ARAP2: variants seen among roughly 807,000 people sequenced by gnomAD.
ARAP2 encodes ArfGAP with RhoGAP domain, ankyrin repeat and PH domain 2.
A neutral mutation model predicts 194.5 loss-of-function variants in ARAP2; 148 were observed. The ratio of observed to expected loss-of-function variants is 0.76; its 90% CI spans 0.67 to 0.87. The LOEUF (loss-of-function observed/expected upper bound fraction) is 0.87. ARAP2 is among the 40% of genes least tolerant of loss of function. The probability of loss-of-function intolerance (pLI) is 0.00; values close to 1 mark genes in which losing one functional copy is unlikely to be tolerated. For missense variants in ARAP2, 2,128 were observed against 1,989.7 expected, an observed-to-expected ratio of 1.07 and a Z score of -1.32; for synonymous variants, 695 against 683.5, an observed-to-expected ratio of 1.02 and a Z score of -0.26.
intron 1 of ARAP2, among the ~76,000 whole-genome samples, chr4:36,239,095 G>C (rs1753008193): frequency 6.6e-6 from 1 of 152,058 alleles, no homozygotes; most frequent in Non-Finnish European, 1.5e-5. Context: ...GGCCAACATG[G>C]TGAAATCCCG....
rs1280594239 is a variant in ARAP2, at chr4:36,156,379, A to AAGAG, written c.2752+2347_2752+2350dup. ...AGAGGGAGGGAGGGAGGGAGGGGGA[A>AAGAG]AGAGAGAGAGAGAAAGAAAGAAAGA... is the stretch of plus-strand genomic sequence containing the variant. On this transcript the variant is annotated intron_variant, in intron 15 of 32. Coordinates refer to ENST00000303965, the MANE Select transcript of ARAP2 (RefSeq NM_015230.4). Among the ~76,000 whole-genome samples, 25 of 7,834 alleles carry AAGAG rather than the reference A, an allele frequency of 3.2e-3. 2 individuals are homozygous for AAGAG. Among genetic ancestry groups the AAGAG allele is most frequent in the Admixed American group, 0.018 (12 of 676 alleles). 5.1% of individuals were successfully genotyped at this position (7,834 alleles called of 152,430 possible).
chr4:36,043,343 T>A (rs1721192515), intron 5 of ARAP2, among the ~76,000 whole-genome samples: 1 of 152,188 alleles, frequency 6.6e-6, no homozygotes, highest in Non-Finnish European at 1.5e-5. Context: ...GAGAACTGCA[T>A]TTTTCTTCCC....
chr4:36,239,865 T>C (rs890122789), intron 1 of ARAP2, among the ~76,000 whole-genome samples: 2 of 152,220 alleles, frequency 1.3e-5, no homozygotes, highest in Non-Finnish European at 2.9e-5. Flanking sequence ...TGTACATACC[T>C]GGACTTTTTT....
chr4:36,228,209 C>A (rs1420311585), intron 2 of ARAP2, among the ~76,000 whole-genome samples: 1 of 152,132 alleles, frequency 6.6e-6, no homozygotes, highest in African/African-American at 2.4e-5. Context: ...AAAACATGTT[C>A]TCTGTCAAAG....
rs1290063614 is a variant in ARAP2 at position 36,066,885 on chromosome 4, T to G, written c.*1022A>C. On this transcript the variant is annotated 3_prime_UTR_variant, in exon 33 of 33. Coordinates refer to ENST00000303965, the MANE Select transcript of ARAP2 (RefSeq NM_015230.4). ...AGCCCCTGGCTCCATAATGGCCATATATTGTATTCTTCCAGTTATTTCTGA... is the reference window on the plus strand; with the variant it reads ...AGCCCCTGGCTCCATAATGGCCATAGATTGTATTCTTCCAGTTATTTCTGA... 1 of 152,190 alleles carries G rather than the reference T, an allele frequency of 6.6e-6. No homozygotes were observed. Among genetic ancestry groups the G allele is most frequent in the East Asian group, 1.9e-4 (1 of 5,204 alleles). 9.4% of individuals were successfully genotyped at this position (152,190 alleles called of 1,614,324 possible).
chr4:36,025,933 C>A (rs1354493841), intron 5 of ARAP2, among the ~76,000 whole-genome samples: 1 of 152,026 alleles, frequency 6.6e-6, no homozygotes, highest in South Asian at 2.1e-4. Flanking sequence ...AAAATACAGT[C>A]TTATTGTATG....
intron 3 of ARAP2, among the ~76,000 whole-genome samples, chr4:36,049,939 A>T (rs1722398121): frequency 6.6e-6 from 1 of 152,172 alleles, no homozygotes. Flanking sequence ...TGGAGAGAAG[A>T]CATTGTATTT....
rs1560721237 is a variant in ARAP2 at position 36,228,787 on chromosome 4, T to C, written c.700A>G (p.Asn234Asp). 6.2e-7 allele frequency: 1 copy of C among 1,614,136 alleles called. No individual in the cohort carries two copies. The highest frequency in any genetic ancestry group is 8.5e-7 in the Non-Finnish European group (1 of 1,180,002). The change falls in exon 2 of 33, where the codon AAT (asparagine) becomes GAT (aspartate). Residue 234 changes from asparagine (N) to aspartate (D), a missense_variant. Coordinates refer to ENST00000303965, the MANE Select transcript of ARAP2 (RefSeq NM_015230.4). Reference sequence around the variant, plus strand: ...GGTGGTGATCCTTCTAATAAACCATTTGTTCCATTTCCAGAATTTGTTCCT... The same window carrying C: ...GGTGGTGATCCTTCTAATAAACCATCTGTTCCATTTCCAGAATTTGTTCCT... ...TSGTNSGNGT[N>D]GLLEGSPPSP...
At chr4:36,188,886 G>C (rs1741204305) in intron 7 of ARAP2, among the ~76,000 whole-genome samples, 1 of 152,132 alleles carries the variant, frequency 6.6e-6, no homozygotes. Flanking sequence ...CTACCAGAAG[G>C]ATATCCTCTT....
At chr4:36,101,621 A>G (rs2109433655) in intron 27 of ARAP2, among the ~76,000 whole-genome samples, 1 of 152,044 alleles carries the variant, frequency 6.6e-6, no homozygotes, top group East Asian at 1.9e-4. Flanking sequence ...ATGTTTTCTG[A>G]TCACTGAAAT....
intron 8 of ARAP2, among the ~76,000 whole-genome samples, chr4:36,015,044 T>C (rs1162618141): frequency 6.6e-6 from 1 of 152,190 alleles, no homozygotes; most frequent in South Asian, 2.1e-4. Context: ...CACAGAGATG[T>C]TAACATAAAG....
chr4:36,051,894 C>T (rs988705380), intron 3 of ARAP2: 1 of 152,176 alleles, frequency 6.6e-6, no homozygotes, highest in African/African-American at 2.4e-5. Flanking sequence ...TAAAGACCAA[C>T]AGAGCATGTC....
chr4:36,094,884 G>C (rs981276103), intron 27 of ARAP2, among the ~76,000 whole-genome samples: 1 of 152,164 alleles, frequency 6.6e-6, no homozygotes, highest in African/African-American at 2.4e-5. Context: ...AAGGCACACA[G>C]TTAAAGAGTG....
chr4:36,087,710 T>C (rs532383081), intron 28 of ARAP2, among the ~76,000 whole-genome samples: 1 of 152,238 alleles, frequency 6.6e-6, no homozygotes, highest in Non-Finnish European at 1.5e-5. Context: ...ACTGAACTGT[T>C]TGCATTTCCT....
At chr4:36,207,640 TG>T (rs1319360249) in intron 6 of ARAP2, among the ~76,000 whole-genome samples, 1 of 152,234 alleles carries the variant, frequency 6.6e-6, no homozygotes, top group Non-Finnish European at 1.5e-5. Context: ...TTTTGCTTAA[TG>T]TCATTCATTA....
chr4:36,062,645 T>TGTGC (rs907965341), downstream of ARAP2, among the ~76,000 whole-genome samples: 16 of 151,500 alleles, frequency 1.1e-4, no homozygotes, highest in Admixed American at 2.0e-4. Flanking sequence ...TGTGTGTGTG[T>TGTGC]GTGTGTGTGT....
intron 6 of ARAP2, among the ~76,000 whole-genome samples, chr4:36,197,380 A>T (rs1578240844): frequency 6.6e-6 from 1 of 152,338 alleles, no homozygotes; most frequent in South Asian, 2.1e-4. Context: ...CTATCGTATA[A>T]ATATAGAAAT....
At chr4:36,145,391 G>T (rs964102187) in intron 19 of ARAP2, among the ~76,000 whole-genome samples, 1 of 152,022 alleles carries the variant, frequency 6.6e-6, no homozygotes, top group Non-Finnish European at 1.5e-5. Context: ...CATGGATGCA[G>T]CTGAAGGTCC....
At chr4:36,116,638 C>T (rs1721395091) in intron 25 of ARAP2, among the ~76,000 whole-genome samples, 1 of 151,918 alleles carries the variant, frequency 6.6e-6, no homozygotes, top group Admixed American at 6.6e-5. Flanking sequence ...TTATTAAACA[C>T]TTACATGCTG....
Sources: gnomAD v4.1 joint callset for allele counts (sites outside exome capture counted in the v4.1 genomes callset) on GRCh38, gnomAD v4.1.1 for gene constraint, MANE v1.5 for transcripts, NCBI Gene and HGNC (gene_info 2026-07-23, HGNC 2026-07-21) for gene names.